RBFOX1: variants seen among roughly 807,000 people sequenced by gnomAD.
RBFOX1 encodes RNA binding protein fox-1 homolog 1.
RBFOX1 carries 8 observed loss-of-function variants against 57.7 expected under a neutral mutation model. The ratio of observed to expected loss-of-function variants is 0.14; its 90% confidence interval spans 0.08 to 0.25. RBFOX1 has a LOEUF of 0.25. Among genes scored for constraint, RBFOX1 ranks in the 10% least tolerant of loss-of-function variants. The pLI is 1.00. For missense variants in RBFOX1, 611 were observed against 548.5 expected, an observed-to-expected ratio of 1.11 and a Z score of -1.14; for synonymous variants, 326 against 222.4, an observed-to-expected ratio of 1.47 and a Z score of -4.15.
intron 4 of RBFOX1, among the ~76,000 whole-genome samples, chr16:7,059,424 A>G (rs779509025): frequency 6.6e-6 from 1 of 152,190 alleles, no homozygotes; most frequent in African/African-American, 2.4e-5. Flanking sequence ...CCGTATGCCA[A>G]TCACTGTGCT....
intron 5 of RBFOX1, among the ~76,000 whole-genome samples, chr16:7,552,560 C>G (rs1313114535): frequency 2.0e-5 from 3 of 152,160 alleles, no homozygotes; most frequent in Non-Finnish European, 2.9e-5. Context: ...AACCTCAACT[C>G]AATTCTTAAT....
At chr16:7,346,464 T>C (rs1036151152) in intron 4 of RBFOX1, among the ~76,000 whole-genome samples, 160 of 152,162 alleles carry the variant, frequency 1.1e-3, no homozygotes, top group African/African-American at 3.7e-3. Context: ...ATAATGTCTC[T>C]GCTTTCTGGC....
At chr16:7,293,405 C>T (rs572290058) in intron 4 of RBFOX1, among the ~76,000 whole-genome samples, 1 of 152,322 alleles carries the variant, frequency 6.6e-6, no homozygotes, top group East Asian at 1.9e-4. Flanking sequence ...TGAACGATGA[C>T]TCTACCGATC....
At chr16:6,578,364 G>A (rs1431222397) in intron 2 of RBFOX1, among the ~76,000 whole-genome samples, 1 of 152,192 alleles carries the variant, frequency 6.6e-6, no homozygotes, top group South Asian at 2.1e-4. Flanking sequence ...ACAGCAGTGG[G>A]TGAAAGTGTG....
At chr16:6,853,114 C>G (rs546963077) in intron 3 of RBFOX1, among the ~76,000 whole-genome samples, 27 of 152,200 alleles carry the variant, frequency 1.8e-4, no homozygotes, top group South Asian at 4.1e-4. Flanking sequence ...TATATACTAC[C>G]TAATGATTGT....
intron 4 of RBFOX1, among the ~76,000 whole-genome samples, chr16:7,486,124 T>TTC (rs1287099606): frequency 7.1e-6 from 1 of 140,240 alleles, no homozygotes; most frequent in African/African-American, 2.7e-5. Flanking sequence ...TGTCTTTTTT[T>TTC]TTTTTTTTTT....
chr16:6,576,269 C>G (rs761692924), intron 2 of RBFOX1, among the ~76,000 whole-genome samples: 3 of 152,140 alleles, frequency 2.0e-5, no homozygotes, highest in Non-Finnish European at 2.9e-5. Flanking sequence ...TCAGGATGTG[C>G]TGACACACAC....
At chr16:7,450,271 G>T (rs575090414) in intron 4 of RBFOX1, among the ~76,000 whole-genome samples, 1 of 151,322 alleles carries the variant, frequency 6.6e-6, no homozygotes, top group East Asian at 2.0e-4. Flanking sequence ...ACATACGCCT[G>T]TAATCCCAGC....
chr16:6,224,430 C>G (rs201344709), intron 1 of RBFOX1, among the ~76,000 whole-genome samples: 9 of 152,164 alleles, frequency 5.9e-5, no homozygotes, highest in African/African-American at 2.2e-4. Flanking sequence ...CCCTTGTAAG[C>G]TGGATTCCTA....
At chr16:7,430,937 T>G (rs1369559719) in intron 4 of RBFOX1, among the ~76,000 whole-genome samples, 1 of 152,240 alleles carries the variant, frequency 6.6e-6, no homozygotes, top group African/African-American at 2.4e-5. Flanking sequence ...AATGTTTGTT[T>G]GCTAGTTTCT....
At chr16:6,431,086 C>T (rs547563332) in intron 2 of RBFOX1, among the ~76,000 whole-genome samples, 95 of 151,828 alleles carry the variant, frequency 6.3e-4, no homozygotes, top group African/African-American at 2.0e-3. Flanking sequence ...TGCAGTGAGC[C>T]AGGATTGTGC....
intron 3 of RBFOX1, among the ~76,000 whole-genome samples, chr16:6,942,809 C>T (rs114095435): frequency 0.018 from 2,680 of 152,262 alleles, 82 homozygotes; most frequent in African/African-American, 0.061. Context: ...AAGTCATTCT[C>T]AGAAAAGATG....
At chr16:7,306,145 G>C (rs143750686) in intron 4 of RBFOX1, among the ~76,000 whole-genome samples, 1 of 151,798 alleles carries the variant, frequency 6.6e-6, no homozygotes, top group Non-Finnish European at 1.5e-5. Context: ...AATGTTCTCC[G>C]TTCCTTTGTG....
chr16:7,172,666 G>A (rs933028714), intron 4 of RBFOX1, among the ~76,000 whole-genome samples: 1 of 152,180 alleles, frequency 6.6e-6, no homozygotes, highest in Admixed American at 6.5e-5. Flanking sequence ...AGCAACAGAG[G>A]CAGCACAAGG....
At chr16:6,640,322 A>G (rs902781706) in intron 2 of RBFOX1, among the ~76,000 whole-genome samples, 20 of 152,038 alleles carry the variant, frequency 1.3e-4, no homozygotes, top group African/African-American at 1.7e-4. Context: ...TAAATCCTTC[A>G]TAGAGGCCGG....
intron 1 of RBFOX1, among the ~76,000 whole-genome samples, chr16:5,436,883 A>G (rs941475560): frequency 6.6e-6 from 1 of 152,068 alleles, no homozygotes; most frequent in South Asian, 2.1e-4. Flanking sequence ...TTTGCCTTGA[A>G]TATTTAGTTT....
At chr16:7,438,897 C>T (rs1451899148) in intron 4 of RBFOX1, among the ~76,000 whole-genome samples, 1 of 152,092 alleles carries the variant, frequency 6.6e-6, no homozygotes, top group Non-Finnish European at 1.5e-5. Context: ...TGCATGAATC[C>T]CCCCCTTCAG....
intron 4 of RBFOX1, among the ~76,000 whole-genome samples, chr16:7,476,232 C>G (rs1163825607): frequency 1.3e-5 from 2 of 152,204 alleles, no homozygotes; most frequent in African/African-American, 2.4e-5. Flanking sequence ...CTAGGCCTCC[C>G]AAAGTGCTGA....
intron 2 of RBFOX1, among the ~76,000 whole-genome samples, chr16:6,413,689 G>A (rs2093538115): frequency 6.6e-6 from 1 of 152,178 alleles, no homozygotes; most frequent in Admixed American, 6.5e-5. Flanking sequence ...AAGAAATCCA[G>A]GATCTTTTGA....
Sources: allele counts gnomAD v4.1 joint callset (sites outside exome capture counted in the v4.1 genomes callset), GRCh38; gene constraint gnomAD v4.1.1; transcripts MANE v1.5; gene names NCBI Gene and HGNC (gene_info 2026-07-23, HGNC 2026-07-21).